Variants in PCGF5 observed in about 807,000 individuals in gnomAD.
The protein encoded by PCGF5 is polycomb group RING finger protein 5.
PCGF5 carries 9 observed loss-of-function variants against 44.3 expected under a neutral mutation model. That is an observed-to-expected ratio of 0.20 (90% CI 0.12 to 0.35). PCGF5 has a LOEUF of 0.35. Among genes scored for constraint, PCGF5 ranks in the 10% least tolerant of loss-of-function variants. PCGF5 has a pLI of 1.00. For synonymous variants in PCGF5, 95 were observed against 102.5 expected (o/e 0.93, Z 0.44); for missense variants, 146 against 305.3 (o/e 0.48, Z 3.89).
chr10:91,269,531 T>G (rs1423241288), intron 8 of PCGF5, among the ~76,000 whole-genome samples: 1 of 152,186 alleles, frequency 6.6e-6, no homozygotes, highest in Non-Finnish European at 1.5e-5. Flanking sequence ...GACATTTAGA[T>G]TTTTTTCAAA....
At chr10:91,190,654 T>C (rs1188933281) in intron 1 of PCGF5, among the ~76,000 whole-genome samples, 1 of 152,236 alleles carries the variant, frequency 6.6e-6, no homozygotes, top group East Asian at 1.9e-4. Context: ...ATTCTCTGGA[T>C]GTTGCCTAAA....
upstream of PCGF5, chr10:91,162,988 G>T (rs1232876963): frequency 6.9e-6 from 1 of 145,032 alleles, no homozygotes; most frequent in Non-Finnish European, 1.5e-5. Context: ...CGCCCCCGCC[G>T]GCGCGGGCTC....
chr10:91,231,417 G>T (rs1360029129), intron 2 of PCGF5, among the ~76,000 whole-genome samples: 1 of 152,198 alleles, frequency 6.6e-6, no homozygotes, highest in Non-Finnish European at 1.5e-5. Flanking sequence ...TTGAGGATAG[G>T]CCTCATTAAG....
At chr10:91,213,306 A>G (rs1844485622) in intron 1 of PCGF5, among the ~76,000 whole-genome samples, 1 of 152,356 alleles carries the variant, frequency 6.6e-6, no homozygotes, top group South Asian at 2.1e-4. Flanking sequence ...CAGTCCTTAA[A>G]ATATACTCTA....
chr10:91,235,740 T>TA (rs1845143246), intron 2 of PCGF5, among the ~76,000 whole-genome samples: 1 of 152,204 alleles, frequency 6.6e-6, no homozygotes, highest in Admixed American at 6.5e-5. Context: ...CTGGTGGTTT[T>TA]AAAAAGAGGA....
At chr10:91,203,284 C>T (rs548237022) in intron 1 of PCGF5, among the ~76,000 whole-genome samples, 12 of 152,228 alleles carry the variant, frequency 7.9e-5, no homozygotes, top group Admixed American at 4.6e-4. Flanking sequence ...GTCTTTTTAG[C>T]GTTTTCTTGG....
At chr10:91,161,790 C>T (rs1254028166), upstream of PCGF5, among the ~76,000 whole-genome samples, 1 of 152,194 alleles carries the variant, frequency 6.6e-6, no homozygotes, top group Non-Finnish European at 1.5e-5. Flanking sequence ...GACTCCTGAA[C>T]TTTTCCAGTC....
intron 1 of PCGF5, among the ~76,000 whole-genome samples, chr10:91,213,747 A>C (rs1191415707): frequency 6.6e-6 from 1 of 151,952 alleles, no homozygotes; most frequent in Non-Finnish European, 1.5e-5. Flanking sequence ...GGCCTCCCAA[A>C]GTACTGGGAT....
In PCGF5 at chr10:91,225,418, A is replaced by G. The variant is rs111802530; in HGVS notation, c.112+2435A>G. Among the ~76,000 whole-genome samples, 1,471 of 151,658 alleles carry G rather than the reference A, an allele frequency of 9.7e-3. 19 individuals carry two copies. Among genetic ancestry groups the G allele is most frequent in the African/African-American group, 0.034 (1,397 of 41,448 alleles). ...CCTGAAAGATCCCTTGGTGGCCATC[A>G]AGCCCTTTTACTGAGAGAGAATGAA... On this transcript the variant is annotated intron_variant, in intron 2 of 9. Coordinates refer to ENST00000336126, the MANE Select transcript of PCGF5 (RefSeq NM_032373.5).
At chr10:91,192,296 G>A (rs888874853) in intron 1 of PCGF5, among the ~76,000 whole-genome samples, 1 of 152,080 alleles carries the variant, frequency 6.6e-6, no homozygotes, top group African/African-American at 2.4e-5. Context: ...ACAACTCAAG[G>A]TGTTTTGCTC....
chr10:91,168,960 A>G (rs1202197518), intron 1 of PCGF5, among the ~76,000 whole-genome samples: 4 of 130,600 alleles, frequency 3.1e-5, no homozygotes, highest in Non-Finnish European at 6.4e-5. Context: ...AAAAAAAAAG[A>G]AGGCTTGATA....
chr10:91,233,153 G>A (rs900220286), intron 2 of PCGF5, among the ~76,000 whole-genome samples: 2 of 152,194 alleles, frequency 1.3e-5, no homozygotes, highest in African/African-American at 4.8e-5. Flanking sequence ...GATTGATCAT[G>A]GAATTTATAT....
chr10:91,222,701 G>T lies in PCGF5; in HGVS notation c.-171G>T. On this transcript the variant is annotated 5_prime_UTR_variant, in exon 2 of 10. Transcript: ENST00000336126. ...ATTTTGGAAACAGACATGGGAAAGC[G>T]GAACCACCAAAAGGAGTGATGATCA... 2.0e-6 allele frequency: 1 copy of T among 511,286 alleles called. No individual in the cohort carries two copies. The highest frequency in any genetic ancestry group is 3.6e-5 in the South Asian group (1 of 27,496). 31.7% of individuals were successfully genotyped at this position (511,286 alleles called of 1,614,324 possible). A position where few individuals can be genotyped will look rare whatever the true frequency, so the allele number is the denominator to read the frequency against.
At chr10:91,276,300 A>G (rs1313014379) in intron 9 of PCGF5, among the ~76,000 whole-genome samples, 2 of 152,338 alleles carry the variant, frequency 1.3e-5, no homozygotes, top group East Asian at 3.9e-4. Flanking sequence ...CATCAAAGGC[A>G]GTTTTATCAT....
At chr10:91,156,855 A>T in the PCGF5 span, among the ~76,000 whole-genome samples, 1 of 152,210 alleles carries the variant, frequency 6.6e-6, no homozygotes, top group Non-Finnish European at 1.5e-5. Context: ...GGAAAGCAGA[A>T]AAATGGTTTT....
In PCGF5 at chr10:91,222,798, C is replaced by G. The variant is rs927991086; in HGVS notation, c.-74C>G. 1.2e-6 allele frequency: 1 copy of G among 831,696 alleles called. No homozygotes were observed. Among genetic ancestry groups the G allele is most frequent in the African/African-American group, 1.7e-5 (1 of 57,948 alleles). The allele number at this position is 831,696 out of a possible 1,614,324, so 51.5% of individuals were successfully genotyped here. A position where few individuals can be genotyped will look rare whatever the true frequency, so the allele number is the denominator to read the frequency against. ...TCCTACTGGGAACGACACACCAGCTCCTGGGATCAGACTTTCATCTACTTA... is the reference window on the plus strand; with the variant it reads ...TCCTACTGGGAACGACACACCAGCTGCTGGGATCAGACTTTCATCTACTTA... On this transcript the variant is annotated 5_prime_UTR_variant, in exon 2 of 10. Transcript: ENST00000336126.
In PCGF5 at chr10:91,173,146, C is replaced by T. The variant is rs1321329347; in HGVS notation, c.-184+10065C>T. ...AGTGTTATGCAAAGGTAAGTTATCA[C>T]TATTACCATATGGGATGCAACACAC... On this transcript the variant is annotated intron_variant, in intron 1 of 9. Coordinates refer to the PCGF5 transcript ENST00000614189. 2.0e-5 allele frequency among the ~76,000 whole-genome samples: 3 copies of T among 152,300 alleles called. No individual in the cohort carries two copies. In the East Asian group the frequency reaches 5.8e-4, roughly 29 times the overall value.
intron 1 of PCGF5, among the ~76,000 whole-genome samples, chr10:91,200,724 T>C (rs752628550): frequency 6.6e-6 from 1 of 152,208 alleles, no homozygotes; most frequent in Admixed American, 6.5e-5. Context: ...CAATCTAGTT[T>C]ATCCTATATT....
chr10:91,185,349 G>T (rs1005920940), intron 1 of PCGF5, among the ~76,000 whole-genome samples: 1 of 152,172 alleles, frequency 6.6e-6, no homozygotes, highest in Non-Finnish European at 1.5e-5. Context: ...CCGTGGGTTT[G>T]GACTCTCCAA....
Sources: gnomAD v4.1 joint callset for allele counts (sites outside exome capture counted in the v4.1 genomes callset) on GRCh38, gnomAD v4.1.1 for gene constraint, MANE v1.5 for transcripts, NCBI Gene and HGNC (gene_info 2026-07-23, HGNC 2026-07-21) for gene names.